The following LRCH1 variants were observed in gnomAD, a reference collection of about 807,000 sequenced individuals.
LRCH1 encodes the protein leucine-rich repeat and calponin homology domain-containing protein 1.
LRCH1 carries 23 observed loss-of-function variants against 94.9 expected under a neutral mutation model. The ratio of observed to expected loss-of-function variants is 0.24; its 90% CI spans 0.17 to 0.34. LRCH1 has a LOEUF of 0.34. LRCH1 is among the 10% of genes least tolerant of loss of function. The pLI, the probability that LRCH1 is intolerant of heterozygous loss-of-function variation, is 1.00. For synonymous variants in LRCH1, 364 were observed against 354.9 expected (o/e 1.03, Z -0.29); for missense variants, 790 against 945.9 (o/e 0.84, Z 2.16).
chr13:46,743,438 A>G lies in LRCH1; in HGVS notation c.*1590A>G. On this transcript the variant is annotated 3_prime_UTR_variant, in exon 20 of 20. Coordinates refer to ENST00000389797, the MANE Select transcript of LRCH1 (RefSeq NM_001164211.2). ...AATGCAGGGTATGTGGAAGTTATCT[A>G]ATTAACCTCAGTTGTATATGAATAA... 1.0e-6 allele frequency: 1 copy of G among 985,850 alleles called. No homozygotes were observed. The highest frequency in any genetic ancestry group is 1.2e-6 in the Non-Finnish European group (1 of 829,918). 61.1% of individuals were successfully genotyped at this position (985,850 alleles called of 1,614,324 possible).
rs554716472 is a variant in LRCH1, at chr13:46,701,898, G to A, written c.1400+691G>A. On this transcript the variant is annotated intron_variant, in intron 11 of 19. Transcript: ENST00000389797. ...TGTGGTCTTATAATATGATGAACAC[G>A]GGAATCACACGCAGCAATCCTAGCT... is the stretch of plus-strand genomic sequence containing the variant. 2.6e-5 allele frequency among the ~76,000 whole-genome samples: 4 copies of A among 152,274 alleles called. No individual in the cohort carries two copies. In the East Asian group the frequency reaches 5.8e-4, roughly 22 times the overall value.
rs1174735304 is a variant in LRCH1 at position 46,701,186 on chromosome 13, A to G, written c.1379A>G (p.Asp460Gly). ...AMIEQLREAV[D>G]LLQDPNGLST... ...ATCGAGCAGCTGAGAGAAGCAGTAG[A>G]TTTGCTGCAAGATCCCAATGGGTGT... The change falls in exon 11 of 20, where the codon GAT (aspartate) becomes GGT (glycine). Residue 460 changes from aspartate to glycine, a missense_variant. Transcript: ENST00000389797. 1 of 1,613,540 alleles carries G rather than the reference A, an allele frequency of 6.2e-7. No individual in the cohort carries two copies. Among genetic ancestry groups the G allele is most frequent in the Non-Finnish European group, 8.5e-7 (1 of 1,179,450 alleles).
At chr13:46,563,604 A>G (rs899157264) in intron 1 of LRCH1, among the ~76,000 whole-genome samples, 1 of 152,242 alleles carries the variant, frequency 6.6e-6, no homozygotes, top group Non-Finnish European at 1.5e-5. Context: ...TATTGCTCCA[A>G]GTGCTTTATA....
chr13:46,637,633 G>A (rs938649611), intron 1 of LRCH1, among the ~76,000 whole-genome samples: 3 of 151,984 alleles, frequency 2.0e-5, no homozygotes, highest in Non-Finnish European at 4.4e-5. Context: ...TGTCAGCTCT[G>A]CACTCAGCTG....
At position 46,742,720 on chromosome 13, in the gene LRCH1, G is replaced by A. The variant is rs1231873510; in HGVS notation, c.*872G>A. On this transcript the variant is annotated 3_prime_UTR_variant, in exon 20 of 20. Coordinates refer to ENST00000389797, the MANE Select transcript of LRCH1 (RefSeq NM_001164211.2). Reference sequence around the variant, plus strand: ...TTTGCCACATCACATAGTAACTGCCGGTCCAGAATGTGACGGATTCGACTC... The same window carrying A: ...TTTGCCACATCACATAGTAACTGCCAGTCCAGAATGTGACGGATTCGACTC... The A allele has an allele frequency of 1.0e-5, 10 of 985,360 alleles. No individual in the cohort carries two copies. The East Asian group carries it at 4.5e-4, about 45-fold the overall frequency. 61.0% of individuals were successfully genotyped at this position (985,360 alleles called of 1,614,324 possible).
At chr13:46,581,862 C>A (rs1291621014) in intron 1 of LRCH1, among the ~76,000 whole-genome samples, 1 of 152,102 alleles carries the variant, frequency 6.6e-6, no homozygotes, top group Non-Finnish European at 1.5e-5. Context: ...ATCATCCTTG[C>A]AATAAAAGAG....
intron 1 of LRCH1, among the ~76,000 whole-genome samples, chr13:46,582,648 C>CTTTTTTTTTTTTTTTTTTTG (rs2050384247): frequency 4.3e-5 from 1 of 23,332 alleles, no homozygotes; most frequent in African/African-American, 1.3e-4. Context: ...CCATGCCCAG[C>CTTTTTTTTTTTTTTTTTTTG]TTTTTTTTTT....
chr13:46,651,636 G>A (rs1028019773), intron 2 of LRCH1, among the ~76,000 whole-genome samples: 2 of 150,946 alleles, frequency 1.3e-5, no homozygotes, highest in African/African-American at 4.9e-5. Context: ...ACTCCGGCCT[G>A]GGTAACAAAA....
At chr13:46,684,370 A>G (rs1254265174) in intron 4 of LRCH1, among the ~76,000 whole-genome samples, 1 of 152,124 alleles carries the variant, frequency 6.6e-6, no homozygotes, top group Non-Finnish European at 1.5e-5. Flanking sequence ...CCAAACTGGA[A>G]CTAGAAAAGA....
chr13:46,663,309 G>C (rs900561372), intron 2 of LRCH1, among the ~76,000 whole-genome samples: 1 of 151,550 alleles, frequency 6.6e-6, no homozygotes. Context: ...TGACCAGACT[G>C]TCACCAGGCA....
chr13:46,598,047 G>A (rs982397065), intron 1 of LRCH1, among the ~76,000 whole-genome samples: 13 of 152,202 alleles, frequency 8.5e-5, no homozygotes, highest in African/African-American at 2.9e-4. Context: ...TTGGGAGGCC[G>A]AGGCAGGCAG....
At chr13:46,666,079 G>A (rs1015618348) in intron 2 of LRCH1, among the ~76,000 whole-genome samples, 2 of 152,148 alleles carry the variant, frequency 1.3e-5, no homozygotes, top group African/African-American at 2.4e-5. Context: ...AGATGAAGTC[G>A]AAGAAATGTG....
At chr13:46,609,026 C>T (rs965827934) in intron 1 of LRCH1, among the ~76,000 whole-genome samples, 2 of 152,154 alleles carry the variant, frequency 1.3e-5, no homozygotes, top group Non-Finnish European at 2.9e-5. Context: ...CTTGAGTGAA[C>T]CAGGTACAAG....
intron 1 of LRCH1, among the ~76,000 whole-genome samples, chr13:46,578,896 G>A (rs2050334332): frequency 6.6e-6 from 1 of 152,098 alleles, no homozygotes; most frequent in African/African-American, 2.4e-5. Context: ...GGAGATGCTG[G>A]GGTTGAGGCC....
chr13:46,633,283 TG>T (rs767950435), intron 1 of LRCH1, among the ~76,000 whole-genome samples: 3 of 152,240 alleles, frequency 2.0e-5, no homozygotes, highest in Admixed American at 6.5e-5. Flanking sequence ...ACAATATTTT[TG>T]TTGTTTTGGG....
intron 15 of LRCH1, 37 bp from the exon 16 acceptor site, chr13:46,715,523 C>A: frequency 8.1e-7 from 1 of 1,242,032 alleles, no homozygotes; most frequent in Non-Finnish European, 1.1e-6. Context: ...GGTCCTTGTG[C>A]AACTGTACGC....
intron 11 of LRCH1, among the ~76,000 whole-genome samples, chr13:46,702,272 C>G (rs1871519481): frequency 6.6e-6 from 1 of 152,188 alleles, no homozygotes; most frequent in Non-Finnish European, 1.5e-5. Flanking sequence ...AAGGCCAAGG[C>G]AGGCAGATCA....
At chr13:46,572,647 A>T (rs1362527234) in intron 1 of LRCH1, among the ~76,000 whole-genome samples, 1 of 152,216 alleles carries the variant, frequency 6.6e-6, no homozygotes. Flanking sequence ...GTCATATGGA[A>T]GATAGAATAA....
intron 9 of LRCH1, among the ~76,000 whole-genome samples, chr13:46,698,663 C>A (rs915522938): frequency 1.3e-5 from 2 of 152,142 alleles, no homozygotes; most frequent in African/African-American, 4.8e-5. Flanking sequence ...GACCCACAAG[C>A]ACAGGAGAGG....
Sources: gnomAD v4.1 joint callset for allele counts (sites outside exome capture counted in the v4.1 genomes callset) on GRCh38, gnomAD v4.1.1 for gene constraint, MANE v1.5 for transcripts, NCBI Gene and HGNC (gene_info 2026-07-23, HGNC 2026-07-21) for gene names.